ABR: variants seen among roughly 807,000 people sequenced by gnomAD.
The protein encoded by ABR is active breakpoint cluster region-related protein.
In ABR, 35 loss-of-function variants were observed where a neutral mutation model predicts 107.2. The ratio of observed to expected loss-of-function variants is 0.33; its 90% CI spans 0.25 to 0.43. The LOEUF (loss-of-function observed/expected upper bound fraction) is 0.43, where lower values mean the gene tolerates loss of function less well. ABR is among the 20% of genes least tolerant of loss of function. The pLI, the probability that ABR is intolerant of heterozygous loss-of-function variation, is 1.00. For missense variants in ABR, 815 were observed against 1,115.2 expected (o/e 0.73, Z 3.83); for synonymous variants, 498 against 462.0 (o/e 1.08, Z -1.00).
intron 1 of ABR, among the ~76,000 whole-genome samples, chr17:1,134,461 A>G (rs1172267456): frequency 6.6e-6 from 1 of 152,196 alleles, no homozygotes; most frequent in Non-Finnish European, 1.5e-5. Context: ...ATAAAAGAAC[A>G]GAGCCATTTC....
In ABR at chr17:1,057,308, TTGTGTGTGTGTGTGTG is replaced by T. The variant is rs750525310; in HGVS notation, c.1382-222_1382-207del. ...AGTAGGAGAATCTAACTGAAGAGGT[TTGTGTGTGTGTGTGTG>T]TGTGTGTGTGTGTGTGTGTGTGTGT... On this transcript the variant is annotated intron_variant, in intron 12 of 22. Coordinates refer to ENST00000302538, the MANE Select transcript of ABR (RefSeq NM_021962.5). Among the ~76,000 whole-genome samples the T allele has an allele frequency of 8.0e-3, 543 of 67,990 alleles. 12 individuals are homozygous for T. Among genetic ancestry groups the T allele is most frequent in the African/African-American group, 0.029 (516 of 17,802 alleles). The allele number at this position is 67,990 out of a possible 152,430, so 44.6% of individuals were successfully genotyped here.
At chr17:1,076,127 C>T (rs2035688403) in intron 6 of ABR, among the ~76,000 whole-genome samples, 1 of 152,250 alleles carries the variant, frequency 6.6e-6, no homozygotes, top group Non-Finnish European at 1.5e-5. Flanking sequence ...TGGTCTCGAA[C>T]TCCTGGCCTC....
At chr17:1,172,297 T>G (rs1024284808) in intron 1 of ABR, among the ~76,000 whole-genome samples, 13 of 152,264 alleles carry the variant, frequency 8.5e-5, no homozygotes, top group Admixed American at 4.6e-4. Context: ...CATACGGGGG[T>G]GCCTTCCGTA....
At chr17:1,206,203 CA>C (rs2042785410) in intron 1 of ABR, among the ~76,000 whole-genome samples, 1 of 152,162 alleles carries the variant, frequency 6.6e-6, no homozygotes, top group South Asian at 2.1e-4. Flanking sequence ...AGTGAGCTCT[CA>C]TGTGACCACT....
intron 16 of ABR, among the ~76,000 whole-genome samples, chr17:1,040,191 C>T (rs1274699464): frequency 6.6e-6 from 1 of 152,104 alleles, no homozygotes; most frequent in Non-Finnish European, 1.5e-5. Context: ...CAACCCAGGG[C>T]CCCCAGGACG....
intron 1 of ABR, among the ~76,000 whole-genome samples, chr17:1,137,800 C>T (rs2040140816): frequency 6.6e-6 from 1 of 151,968 alleles, no homozygotes; most frequent in South Asian, 2.1e-4. Context: ...CAAGGTACGC[C>T]CGCATCACAG....
intron 2 of ABR, among the ~76,000 whole-genome samples, chr17:1,122,750 G>A (rs1240078739): frequency 2.6e-5 from 4 of 152,086 alleles, no homozygotes; most frequent in East Asian, 3.9e-4. Flanking sequence ...ACTTTTCTTC[G>A]TATGTAGATA....
At chr17:1,076,157 G>C (rs2035690590) in intron 6 of ABR, among the ~76,000 whole-genome samples, 1 of 152,176 alleles carries the variant, frequency 6.6e-6, no homozygotes, top group Non-Finnish European at 1.5e-5. Flanking sequence ...TCCTGCCTCA[G>C]TCTGCCAAAA....
chr17:1,094,655 A>G (rs995193857), intron 3 of ABR, among the ~76,000 whole-genome samples: 1 of 152,170 alleles, frequency 6.6e-6, no homozygotes, highest in Non-Finnish European at 1.5e-5. Context: ...ACAGGTGTTG[A>G]GCCACCATGC....
intron 1 of ABR, among the ~76,000 whole-genome samples, chr17:1,196,662 G>A (rs112359052): frequency 4.6e-4 from 69 of 150,814 alleles, no homozygotes; most frequent in Middle Eastern, 7.0e-3. Context: ...GGGAGAAGAC[G>A]GCACCACAGG....
chr17:1,041,925 G>C (rs1035146565), intron 16 of ABR, among the ~76,000 whole-genome samples: 1 of 152,142 alleles, frequency 6.6e-6, no homozygotes, highest in Non-Finnish European at 1.5e-5. Context: ...TTGGCCGGGA[G>C]GGGGAGAGAA....
chr17:1,201,942 G>A (rs4511592), intron 1 of ABR, among the ~76,000 whole-genome samples: 50,796 of 152,050 alleles, frequency 0.33, 10,126 homozygotes, highest in Non-Finnish European at 0.46. Context: ...CTCCCAAAGT[G>A]CTGGGATTAC....
Position 1,010,942 on chromosome 17 carries a change from C to T in ABR, c.2102-79G>A, listed in dbSNP as rs761779730. The stretch of plus-strand genomic sequence containing the variant: ...CCACCCCCGACCCATCCTGACACAG[C>T]CCCCACCCACTCCAGCTCTGGTTCT... On this transcript the variant is annotated intron_variant, in intron 19 of 22. Transcript: ENST00000302538. The surrounding 1 kb of genome is among the most constrained non-coding windows in gnomAD (Gnocchi z 4.1). 1.3e-6 allele frequency: 2 copies of T among 1,559,924 alleles called. No homozygotes were observed. The highest frequency in any genetic ancestry group is 8.7e-7 in the Non-Finnish European group (1 of 1,146,556).
In ABR at chr17:1,011,003, C is replaced by A; in HGVS notation, c.2102-140G>T. On this transcript the variant is annotated intron_variant, in intron 19 of 22. Transcript: ENST00000302538. This position sits in a 1 kb window ranked among gnomAD's most constrained non-coding sequence, Gnocchi z 4.8. ...GGAAGAGCAGGATGTAGAGAGGGCC[C>A]ACAGGTGTCTGTGACTCGGCTCTGT... The A allele has an allele frequency of 1.8e-6, 2 of 1,140,962 alleles. No individual in the cohort carries two copies. Among genetic ancestry groups the A allele is most frequent in the East Asian group, 2.4e-5 (1 of 41,024 alleles). 70.7% of individuals were successfully genotyped at this position (1,140,962 alleles called of 1,614,324 possible). A position where few individuals can be genotyped will look rare whatever the true frequency, so the allele number is the denominator to read the frequency against.
At chr17:1,140,327 A>G (rs1185350201) in intron 1 of ABR, among the ~76,000 whole-genome samples, 1 of 152,178 alleles carries the variant, frequency 6.6e-6, no homozygotes, top group Non-Finnish European at 1.5e-5. Flanking sequence ...TGGACTGAGA[A>G]GACTCATGGC....
chr17:1,185,346 A>G (rs1299847111), intron 1 of ABR, among the ~76,000 whole-genome samples: 2 of 152,090 alleles, frequency 1.3e-5, no homozygotes, highest in Non-Finnish European at 2.9e-5. Flanking sequence ...TCACATCTGT[A>G]GACAGTATGC....
At chr17:1,077,368 C>T (rs1011312467) in intron 6 of ABR, among the ~76,000 whole-genome samples, 1 of 152,158 alleles carries the variant, frequency 6.6e-6, no homozygotes, top group African/African-American at 2.4e-5. Context: ...TTCACTGAGT[C>T]GAAGCTTCCT....
rs1325072408 is a variant in ABR, at chr17:1,148,302, G to C, written c.62-22935C>G. On this transcript the variant is annotated intron_variant, in intron 1 of 22. Transcript: ENST00000302538. The surrounding 1 kb of genome is among the most constrained non-coding windows in gnomAD (Gnocchi z 4.9). ...GCCAATTCTGACATCGATGAACCTTGGGGGCATTAGGCTACGTGAAAGAAG... is the reference window on the plus strand; with the variant it reads ...GCCAATTCTGACATCGATGAACCTTCGGGGCATTAGGCTACGTGAAAGAAG... Among the ~76,000 whole-genome samples the C allele has an allele frequency of 6.6e-6, 1 of 152,206 alleles. No homozygotes were observed. Among genetic ancestry groups the C allele is most frequent in the Non-Finnish European group, 1.5e-5 (1 of 68,040 alleles).
rs150382830 is a variant in ABR at position 1,061,172 on chromosome 17, A to T, written c.1183-2305T>A. Reference sequence around the variant, plus strand: ...GCACCCGGCACACCCCAGGCAGCACAGCCAGTGGGGCTCACTGAGTGTTGA... The same window carrying T: ...GCACCCGGCACACCCCAGGCAGCACTGCCAGTGGGGCTCACTGAGTGTTGA... On this transcript the variant is annotated intron_variant, in intron 10 of 22. Transcript: ENST00000302538. Among the ~76,000 whole-genome samples the T allele has an allele frequency of 2.4e-3, 360 of 152,272 alleles. 1 individual carries two copies. The highest frequency in any genetic ancestry group is 8.2e-3 in the African/African-American group (340 of 41,572).
Sources: allele counts gnomAD v4.1 joint callset (sites outside exome capture counted in the v4.1 genomes callset), GRCh38; gene constraint gnomAD v4.1.1; non-coding constraint Gnocchi (gnomAD v3.1); transcripts MANE v1.5; gene names NCBI Gene and HGNC (gene_info 2026-07-23, HGNC 2026-07-21).